Variants in CAMK1D observed in about 807,000 individuals in gnomAD.
The protein encoded by CAMK1D is calcium/calmodulin-dependent protein kinase type 1D.
In CAMK1D, 9 loss-of-function variants were observed where a neutral mutation model predicts 47.7. The ratio of observed to expected loss-of-function variants is 0.19; its 90% CI spans 0.11 to 0.33. The LOEUF (loss-of-function observed/expected upper bound fraction) is 0.33, where lower values mean the gene tolerates loss of function less well. Ranked by LOEUF, CAMK1D falls within the 10% of genes least tolerant of loss-of-function variation. The pLI, the probability that CAMK1D is intolerant of heterozygous loss-of-function variation, is 1.00. For synonymous variants in CAMK1D, 184 were observed against 184.9 expected (o/e 0.99, Z 0.04); for missense variants, 291 against 488.7 (o/e 0.60, Z 3.81).
intron 1 of CAMK1D, among the ~76,000 whole-genome samples, chr10:12,539,225 T>C (rs1487340111): frequency 6.6e-6 from 1 of 152,222 alleles, no homozygotes; most frequent in Non-Finnish European, 1.5e-5. Context: ...CCCTTTAATG[T>C]AGTAATTGTT....
rs553169338 is a variant in CAMK1D, at chr10:12,378,089, T to C, written c.92+28179T>C. On this transcript the variant is annotated intron_variant, in intron 1 of 10. Transcript: ENST00000619168. ...GCTGTGAGGCCTCGTTCCTCTGGAG[T>C]CCAGTATGACCTCTGGGGGACTAGA... Among the ~76,000 whole-genome samples, 29 of 152,194 alleles carry C rather than the reference T, an allele frequency of 1.9e-4. No homozygotes were observed. In the East Asian group the frequency reaches 5.2e-3, roughly 27 times the overall value.
intron 4 of CAMK1D, among the ~76,000 whole-genome samples, chr10:12,764,924 T>G (rs147208825): frequency 6.6e-6 from 1 of 152,156 alleles, no homozygotes; most frequent in African/African-American, 2.4e-5. Context: ...GATGAAGCCT[T>G]GTCTCTACTA....
At chr10:12,373,473 G>C (rs1223740316) in intron 1 of CAMK1D, among the ~76,000 whole-genome samples, 1 of 148,306 alleles carries the variant, frequency 6.7e-6, no homozygotes, top group African/African-American at 2.5e-5. Context: ...CTCTACTAAA[G>C]ATGCAAGAAT....
intron 2 of CAMK1D, among the ~76,000 whole-genome samples, chr10:12,622,918 A>G (rs1275366710): frequency 6.6e-6 from 1 of 151,928 alleles, no homozygotes; most frequent in East Asian, 1.9e-4. Flanking sequence ...GTGGGGAACA[A>G]GCACTGTGGT....
intron 5 of CAMK1D, among the ~76,000 whole-genome samples, chr10:12,777,607 C>G (rs1293099773): frequency 6.6e-6 from 1 of 152,144 alleles, no homozygotes; most frequent in Non-Finnish European, 1.5e-5. Flanking sequence ...CTCCCAACCT[C>G]AGGTGATCCA....
At chr10:12,353,073 AG>A (rs1837400029) in intron 1 of CAMK1D, among the ~76,000 whole-genome samples, 1 of 152,108 alleles carries the variant, frequency 6.6e-6, no homozygotes, top group South Asian at 2.1e-4. Context: ...CCCCAGTTCA[AG>A]ATGCCTGCTC....
intron 3 of CAMK1D, among the ~76,000 whole-genome samples, chr10:12,673,104 C>T (rs919142191): frequency 4.0e-5 from 6 of 151,706 alleles, no homozygotes; most frequent in Admixed American, 2.0e-4. Context: ...AGGCTGGTCT[C>T]GAATGCCTGA....
At chr10:12,395,784 G>C (rs553402123) in intron 1 of CAMK1D, among the ~76,000 whole-genome samples, 8 of 151,260 alleles carry the variant, frequency 5.3e-5, no homozygotes, top group Non-Finnish European at 1.0e-4. Flanking sequence ...AAAATTAGCC[G>C]GGCATGGTGG....
intron 2 of CAMK1D, among the ~76,000 whole-genome samples, chr10:12,635,584 G>GA (rs1410399683): frequency 2.0e-5 from 3 of 152,138 alleles, no homozygotes. Flanking sequence ...TGCTGGGGGG[G>GA]AAGAGGCCCT....
At chr10:12,374,341 T>A (rs2131861809) in intron 1 of CAMK1D, among the ~76,000 whole-genome samples, 1 of 152,092 alleles carries the variant, frequency 6.6e-6, no homozygotes, top group Middle Eastern at 3.4e-3. Flanking sequence ...GAAGCCCCTT[T>A]ACAGTAATGG....
chr10:12,717,957 T>C (rs1481542042), intron 3 of CAMK1D, among the ~76,000 whole-genome samples: 1 of 150,910 alleles, frequency 6.6e-6, no homozygotes, highest in East Asian at 2.0e-4. Flanking sequence ...AAGATATAGA[T>C]ACTATACTGA....
intron 1 of CAMK1D, among the ~76,000 whole-genome samples, chr10:12,362,519 A>G (rs1296859785): frequency 1.3e-5 from 2 of 152,070 alleles, no homozygotes; most frequent in African/African-American, 4.8e-5. Flanking sequence ...TTTGTTTGAG[A>G]TGGAGTCTCG....
At chr10:12,575,265 A>T (rs1174486080) in intron 2 of CAMK1D, among the ~76,000 whole-genome samples, 1 of 151,496 alleles carries the variant, frequency 6.6e-6, no homozygotes, top group East Asian at 1.9e-4. Context: ...GCTAATTTTT[A>T]TATTTTTAGT....
chr10:12,373,682 A>G (rs1414004364), intron 1 of CAMK1D, among the ~76,000 whole-genome samples: 2 of 152,078 alleles, frequency 1.3e-5, no homozygotes, highest in East Asian at 1.9e-4. Flanking sequence ...CCCATTCCCT[A>G]TGAACATCTA....
In CAMK1D at chr10:12,459,244, A is replaced by G. The variant is rs564904201; in HGVS notation, c.93-93981A>G. On this transcript the variant is annotated intron_variant, in intron 1 of 10. Transcript: ENST00000619168. ...AGTTTCAAATAAAAAAAACCACGTTATGGCAGGTGACTGTGCCCCAGCCCA... is the reference window on the plus strand; with the variant it reads ...AGTTTCAAATAAAAAAAACCACGTTGTGGCAGGTGACTGTGCCCCAGCCCA... Among the ~76,000 whole-genome samples the G allele has an allele frequency of 1.6e-3, 240 of 152,330 alleles. 1 individual carries two copies. The highest frequency in any genetic ancestry group is 5.3e-3 in the African/African-American group (222 of 41,578).
intron 1 of CAMK1D, among the ~76,000 whole-genome samples, chr10:12,370,390 A>G (rs1204967733): frequency 6.6e-6 from 1 of 152,110 alleles, no homozygotes; most frequent in Non-Finnish European, 1.5e-5. Context: ...GTTATTTTAG[A>G]GTATACTCCT....
intron 2 of CAMK1D, among the ~76,000 whole-genome samples, chr10:12,626,232 A>G (rs1190831145): frequency 6.6e-6 from 1 of 152,218 alleles, no homozygotes; most frequent in African/African-American, 2.4e-5. Context: ...TACAAATAAC[A>G]TTAACAATAA....
intron 2 of CAMK1D, among the ~76,000 whole-genome samples, chr10:12,581,836 G>T (rs753901720): frequency 1.3e-5 from 2 of 152,184 alleles, no homozygotes; most frequent in South Asian, 4.1e-4. Flanking sequence ...CACTCTGAGG[G>T]TTGTCTGTTT....
chr10:12,717,970 TCA>T (rs1317804158), intron 3 of CAMK1D, among the ~76,000 whole-genome samples: 1 of 151,316 alleles, frequency 6.6e-6, no homozygotes, highest in Non-Finnish European at 1.5e-5. Context: ...TATACTGAAA[TCA>T]TTAACTAGTG....
Sources: gnomAD v4.1 joint callset for allele counts (sites outside exome capture counted in the v4.1 genomes callset) on GRCh38, gnomAD v4.1.1 for gene constraint, MANE v1.5 for transcripts, NCBI Gene and HGNC (gene_info 2026-07-23, HGNC 2026-07-21) for gene names.